Variants in HYDIN observed in about 807,000 individuals in gnomAD.
The protein encoded by HYDIN is HYDIN axonemal central pair apparatus protein.
Under a neutral mutation model 403.9 loss-of-function variants are expected in HYDIN, and 132 were observed. The observed-to-expected ratio is 0.33, with a 90% CI of 0.28 to 0.38. The LOEUF (loss-of-function observed/expected upper bound fraction) is 0.38. Ranked by LOEUF, HYDIN falls within the 10% of genes least tolerant of loss-of-function variation. HYDIN has a pLI of 1.00. For synonymous variants in HYDIN, 1,202 were observed against 1,891.7 expected (o/e 0.64, Z 9.46); for missense variants, 2,827 against 5,009.5 (o/e 0.56, Z 13.15).
intron 1 of HYDIN, among the ~76,000 whole-genome samples, chr16:71,211,856 G>A (rs984541808): frequency 6.6e-6 from 1 of 152,076 alleles, no homozygotes; most frequent in African/African-American, 2.4e-5. Context: ...GGAATTATTA[G>A]ATACAGATTA....
intron 47 of HYDIN, among the ~76,000 whole-genome samples, chr16:70,916,382 T>C (rs1323237767): frequency 2.0e-5 from 3 of 152,136 alleles, no homozygotes; most frequent in African/African-American, 4.8e-5. Flanking sequence ...CCAGGTAAGG[T>C]TGGAATCTTC....
intron 18 of HYDIN, among the ~76,000 whole-genome samples, chr16:71,055,768 G>C (rs1272023749): frequency 6.6e-6 from 1 of 151,800 alleles, no homozygotes; most frequent in Non-Finnish European, 1.5e-5. Flanking sequence ...AGATGTCTTG[G>C]TGCCATCTGA....
At chr16:71,084,265 CT>C (rs1041699656) in intron 12 of HYDIN, among the ~76,000 whole-genome samples, 24 of 151,426 alleles carry the variant, frequency 1.6e-4, no homozygotes, top group East Asian at 7.8e-4. Flanking sequence ...GAAGCACAAA[CT>C]TTTTTACATT....
chr16:71,035,796 C>T (rs538134806), intron 18 of HYDIN, among the ~76,000 whole-genome samples: 18 of 152,254 alleles, frequency 1.2e-4, no homozygotes, highest in East Asian at 3.9e-4. Flanking sequence ...CTCTACTAAA[C>T]GGATTCTGAC....
chr16:70,849,754 A>G lies in HYDIN; in HGVS notation c.12845T>C (p.Val4282Ala), dbSNP rs1276133351. 5 of 665,910 alleles carry G rather than the reference A, an allele frequency of 7.5e-6. No homozygotes were observed. Among genetic ancestry groups the G allele is most frequent in the East Asian group, 5.4e-5 (2 of 36,872 alleles). The allele number at this position is 665,910 out of a possible 1,614,324, so 41.3% of individuals were successfully genotyped here. A position where few individuals can be genotyped will look rare whatever the true frequency, so the allele number is the denominator to read the frequency against. Residue 4282 changes from valine (V) to alanine (A), a missense_variant, in exon 75 of 86, where the codon GTC (valine) becomes GCC (alanine). Coordinates refer to ENST00000393567, the MANE Select transcript of HYDIN (RefSeq NM_001270974.2). ...GATTATGAGTTCCAGGTCTGTCAAG[A>G]CACACTTCTTTAATGGTTGAAAAGA... ...TLSFQPLKKC[V>A]LTDLELIIKI...
chr16:71,196,163 G>C (rs897894489), intron 1 of HYDIN, among the ~76,000 whole-genome samples: 1 of 152,186 alleles, frequency 6.6e-6, no homozygotes, highest in African/African-American at 2.4e-5. Context: ...AATTTAATAA[G>C]TAGTAGATGT....
At chr16:70,905,961 AG>A (rs747773188) in intron 50 of HYDIN, among the ~76,000 whole-genome samples, 17 of 151,926 alleles carry the variant, frequency 1.1e-4, no homozygotes, top group Non-Finnish European at 1.8e-4. Context: ...CCAGCATCTC[AG>A]GGAATAAAGT....
At chr16:70,909,763 T>C (rs1414153328) in intron 47 of HYDIN, among the ~76,000 whole-genome samples, 4 of 143,166 alleles carry the variant, frequency 2.8e-5, no homozygotes, top group Non-Finnish European at 4.5e-5. Flanking sequence ...TGGTGCCATC[T>C]CAGCTCACTG....
At chr16:71,218,435 C>T (rs1346600870) in intron 1 of HYDIN, among the ~76,000 whole-genome samples, 2 of 152,144 alleles carry the variant, frequency 1.3e-5, no homozygotes, top group Non-Finnish European at 2.9e-5. Flanking sequence ...CACTGGGTTA[C>T]GTGATTCTAT....
chr16:71,115,630 C>T (rs1302370181), intron 10 of HYDIN, 66 bp downstream of exon 10: 1 of 900,976 alleles, frequency 1.1e-6, no homozygotes, highest in African/African-American at 1.6e-5. Context: ...CACACACACT[C>T]AGGCACCACA....
At chr16:70,957,953 T>C (rs910679270) in intron 39 of HYDIN, among the ~76,000 whole-genome samples, 7 of 124,624 alleles carry the variant, frequency 5.6e-5, no homozygotes, top group African/African-American at 1.9e-4. Flanking sequence ...AGAAGTAACA[T>C]TGTCAGGTCA....
chr16:71,047,637 A>G (rs368863652), intron 18 of HYDIN, among the ~76,000 whole-genome samples: 3 of 151,302 alleles, frequency 2.0e-5, no homozygotes, highest in East Asian at 2.0e-4. Flanking sequence ...GATGCCCACC[A>G]AGATAAACTA....
rs369820222 is a variant in HYDIN, at chr16:70,943,808, C to T, written c.6669+4G>A. On this transcript the variant is annotated splice_donor_region_variant and intron_variant, in intron 42 of 85. Transcript: ENST00000393567. ...GCAGCTCTGTGCAGGTGGCATGGAC[C>T]CACCTGTATCCGCTCTGCCAGGATC... is the stretch of plus-strand genomic sequence containing the variant. 1.6e-4 allele frequency: 250 copies of T among 1,611,386 alleles called. No individual in the cohort carries two copies. The highest frequency in any genetic ancestry group is 2.0e-4 in the Non-Finnish European group (233 of 1,179,918).
At chr16:71,108,507 T>C (rs940625973) in intron 10 of HYDIN, among the ~76,000 whole-genome samples, 1 of 152,148 alleles carries the variant, frequency 6.6e-6, no homozygotes, top group African/African-American at 2.4e-5. Context: ...GCTTGCCTTA[T>C]AATTATTTGT....
rs748127661 is a variant in HYDIN, at chr16:70,802,783, A to G, written c.*4797T>C. ...CCAAAACTCGGCAAGTCATGGATAT[A>G]TCATGTCTAGAAAAATCCATAAAAA... On this transcript the variant is annotated 3_prime_UTR_variant, in exon 86 of 86. Coordinates refer to ENST00000393567, the MANE Select transcript of HYDIN (RefSeq NM_001270974.2). 2.6e-5 allele frequency: 4 copies of G among 152,256 alleles called. No individual in the cohort carries two copies. Among genetic ancestry groups the G allele is most frequent in the Non-Finnish European group, 5.9e-5 (4 of 68,040 alleles). The allele number at this position is 152,256 out of a possible 1,614,324, so 9.4% of individuals were successfully genotyped here.
intron 9 of HYDIN, among the ~76,000 whole-genome samples, chr16:71,119,924 C>A (rs548007045): frequency 6.6e-6 from 1 of 152,048 alleles, no homozygotes; most frequent in South Asian, 2.1e-4. Flanking sequence ...AATTCCATGT[C>A]ATTTATGTCT....
intron 2 of HYDIN, 38 bp downstream of exon 2, chr16:71,186,723 C>T (rs765816628): frequency 1.1e-5 from 17 of 1,545,906 alleles, no homozygotes; most frequent in Non-Finnish European, 1.5e-5. Flanking sequence ...AAGGAGATTG[C>T]ATTAAGTATT....
At chr16:71,209,528 C>T (rs1219122642) in intron 1 of HYDIN, among the ~76,000 whole-genome samples, 1 of 151,878 alleles carries the variant, frequency 6.6e-6, no homozygotes, top group Non-Finnish European at 1.5e-5. Context: ...ACTGGAAGTC[C>T]TGGCCAGAGC....
rs2143401469 is a variant in HYDIN at position 70,803,749 on chromosome 16, T to C, written c.*3831A>G. Among the ~76,000 whole-genome samples the C allele has an allele frequency of 6.6e-6, 1 of 152,282 alleles. No homozygotes were observed. Among genetic ancestry groups the C allele is most frequent in the African/African-American group, 2.4e-5 (1 of 41,550 alleles). On this transcript the variant is annotated 3_prime_UTR_variant, in exon 86 of 86. Transcript: ENST00000393567. ...GGTTTAAGGTATTAGGTAGAGGTCT[T>C]GAAATGTAGCAGGCCCTCACCAATG...
Sources: allele counts gnomAD v4.1 joint callset (sites outside exome capture counted in the v4.1 genomes callset), GRCh38; gene constraint gnomAD v4.1.1; transcripts MANE v1.5; gene names NCBI Gene and HGNC (gene_info 2026-07-23, HGNC 2026-07-21).